FNBP1L: variants seen among roughly 807,000 people sequenced by gnomAD.
FNBP1L encodes formin-binding protein 1-like.
FNBP1L carries 36 observed loss-of-function variants against 91.2 expected under a neutral mutation model. That is an observed-to-expected ratio of 0.39 (90% CI 0.30 to 0.52). The LOEUF (loss-of-function observed/expected upper bound fraction) is 0.52. FNBP1L is among the 20% of genes least tolerant of loss of function. FNBP1L has a pLI of 0.66. For synonymous variants in FNBP1L, 242 were observed against 237.0 expected (o/e 1.02, Z -0.19); for missense variants, 571 against 732.1 (o/e 0.78, Z 2.54).
intron 1 of FNBP1L, among the ~76,000 whole-genome samples, chr1:93,484,460 G>T (rs1360990331): frequency 6.6e-6 from 1 of 152,214 alleles, no homozygotes; most frequent in Non-Finnish European, 1.5e-5. Flanking sequence ...GGGATGCTTA[G>T]CCCTGTTCTA....
chr1:93,480,318 A>G (rs545736052), intron 1 of FNBP1L, among the ~76,000 whole-genome samples: 8 of 152,296 alleles, frequency 5.3e-5, no homozygotes, highest in South Asian at 4.1e-4. Context: ...CACATCAACA[A>G]TGCTGTTGTC....
intron 10 of FNBP1L, among the ~76,000 whole-genome samples, chr1:93,538,847 T>C (rs1229523150): frequency 6.6e-6 from 1 of 152,120 alleles, no homozygotes; most frequent in Admixed American, 6.5e-5. Flanking sequence ...TTAAAAATTA[T>C]GATTTTTTCT....
intron 1 of FNBP1L, among the ~76,000 whole-genome samples, chr1:93,465,625 C>T (rs1412209980): frequency 1.3e-5 from 2 of 152,130 alleles, no homozygotes; most frequent in African/African-American, 2.4e-5. Flanking sequence ...TGGGTTGGTT[C>T]CAAGTCTTTG....
At chr1:93,451,817 A>G (rs1174455866) in intron 1 of FNBP1L, among the ~76,000 whole-genome samples, 1 of 151,922 alleles carries the variant, frequency 6.6e-6, no homozygotes, top group Non-Finnish European at 1.5e-5. Flanking sequence ...ATGCCCGACT[A>G]ATTTTTGTAT....
chr1:93,529,748 G>T lies in FNBP1L; in HGVS notation c.502G>T (p.Val168Phe). The stretch of plus-strand genomic sequence containing the variant: ...TGATACTAATGCAACCAAGGCAGAT[G>T]TTGAAAAGGTAAGAAATACTCCAAA... ...DNDTNATKAD[V>F]EKAKQQLNLR... is the part of the protein sequence containing the mutation. The change falls in exon 6 of 17, where the codon GTT becomes TTT. Residue 168 changes from valine (V) to phenylalanine (F), a missense_variant. Around this residue, in one of 5 missense-constraint regions of FNBP1L, gnomAD observed 220 missense variants for 313.6 expected, o/e 0.70. Coordinates refer to ENST00000271234, the MANE Select transcript of FNBP1L (RefSeq NM_001164473.3). The T allele has an allele frequency of 6.6e-7, 1 of 1,509,316 alleles. No homozygotes were observed. Among genetic ancestry groups the T allele is most frequent in the Admixed American group, 2.5e-5 (1 of 40,394 alleles). 93.5% of individuals were successfully genotyped at this position (1,509,316 alleles called of 1,614,324 possible).
chr1:93,482,480 G>T (rs1007751968), intron 1 of FNBP1L, among the ~76,000 whole-genome samples: 1 of 151,996 alleles, frequency 6.6e-6, no homozygotes, highest in Non-Finnish European at 1.5e-5. Flanking sequence ...TATAAGGTTC[G>T]CTCTAGTGCT....
At chr1:93,494,323 T>A (rs1454726267) in intron 1 of FNBP1L, among the ~76,000 whole-genome samples, 3 of 152,236 alleles carry the variant, frequency 2.0e-5, no homozygotes, top group African/African-American at 7.2e-5. Flanking sequence ...GGAGTTGAGA[T>A]GCACTGCAAG....
intron 5 of FNBP1L, among the ~76,000 whole-genome samples, chr1:93,525,892 C>G (rs1435739647): frequency 2.0e-5 from 3 of 152,070 alleles, no homozygotes; most frequent in Non-Finnish European, 4.4e-5. Flanking sequence ...GGGAAACTAA[C>G]CAATATAATT....
rs72961375 is a variant in FNBP1L at position 93,478,243 on chromosome 1, G to A, written c.25-21225G>A. 5.5e-3 allele frequency among the ~76,000 whole-genome samples: 832 copies of A among 152,290 alleles called. 4 individuals carry two copies. The highest frequency in any genetic ancestry group is 0.019 in the African/African-American group (805 of 41,564). On this transcript the variant is annotated intron_variant, in intron 1 of 16. Coordinates refer to ENST00000271234, the MANE Select transcript of FNBP1L (RefSeq NM_001164473.3). ...GGAAGCTGCGATGGTCTAGAGCAGG[G>A]TATCAGAACCTGGGTCTTGAGGAGT...
chr1:93,470,744 A>ACG (rs1557778784), intron 1 of FNBP1L, among the ~76,000 whole-genome samples: 8 of 152,026 alleles, frequency 5.3e-5, no homozygotes, highest in African/African-American at 1.9e-4. Context: ...GTCATGGTGC[A>ACG]TGCCTGTAAT....
At chr1:93,547,006 AATT>A (rs1672264817) in intron 13 of FNBP1L, 32 bp downstream of exon 13, 2 of 1,581,290 alleles carry the variant, frequency 1.3e-6, no homozygotes, top group Non-Finnish European at 1.7e-6. Flanking sequence ...TGTCAAGATA[AATT>A]ATTTTTATAA....
chr1:93,477,877 T>C (rs1669552623), intron 1 of FNBP1L, among the ~76,000 whole-genome samples: 1 of 152,272 alleles, frequency 6.6e-6, no homozygotes, highest in Non-Finnish European at 1.5e-5. Context: ...AATAATTGTT[T>C]TTAATTCTGC....
chr1:93,530,643 G>A (rs1671642172), intron 6 of FNBP1L, 112 bp from the exon 7 acceptor site: 3 of 1,092,378 alleles, frequency 2.7e-6, no homozygotes, highest in Non-Finnish European at 3.9e-6. Context: ...TTATTCTTTT[G>A]ATGTCAGGTG....
chr1:93,466,048 GTTGT>G (rs1669067737), intron 1 of FNBP1L, among the ~76,000 whole-genome samples: 1 of 152,034 alleles, frequency 6.6e-6, no homozygotes, highest in South Asian at 2.1e-4. Context: ...TTTTGATGGA[GTTGT>G]TTGTTTTTTT....
intron 2 of FNBP1L, among the ~76,000 whole-genome samples, chr1:93,519,116 T>A (rs552360415): frequency 6.6e-6 from 1 of 152,330 alleles, no homozygotes; most frequent in South Asian, 2.1e-4. Flanking sequence ...AATTAGTAAA[T>A]CATTCATAAC....
intron 1 of FNBP1L, among the ~76,000 whole-genome samples, chr1:93,484,014 T>G (rs1190541467): frequency 6.6e-6 from 1 of 152,180 alleles, no homozygotes; most frequent in African/African-American, 2.4e-5. Flanking sequence ...CCACAACTTC[T>G]GCCTCCTGGG....
intron 1 of FNBP1L, among the ~76,000 whole-genome samples, chr1:93,453,253 TAAG>T (rs1232176197): frequency 6.6e-6 from 1 of 152,202 alleles, no homozygotes; most frequent in Non-Finnish European, 1.5e-5. Context: ...TGCTATTAGT[TAAG>T]GAGGATGAGT....
At chr1:93,542,648 A>C (rs1057392754) in intron 11 of FNBP1L, among the ~76,000 whole-genome samples, 1 of 151,990 alleles carries the variant, frequency 6.6e-6, no homozygotes, top group Admixed American at 6.5e-5. Context: ...CACATGGTGA[A>C]ATAAAGCTAT....
chr1:93,538,875 A>G (rs1480390172), intron 10 of FNBP1L, among the ~76,000 whole-genome samples: 2 of 151,964 alleles, frequency 1.3e-5, no homozygotes, highest in African/African-American at 4.8e-5. Context: ...TTCCTTTTTT[A>G]AAGAAAAACT....
Sources: gnomAD v4.1 joint callset for allele counts (sites outside exome capture counted in the v4.1 genomes callset) on GRCh38, gnomAD v4.1.1 for gene constraint, gnomAD v4.1.1 regional missense constraint, MANE v1.5 for transcripts, NCBI Gene and HGNC (gene_info 2026-07-23, HGNC 2026-07-21) for gene names.